The following LPP variants were observed in gnomAD, a reference collection of about 807,000 sequenced individuals.
The protein encoded by LPP is LIM domain containing preferred translocation partner in lipoma, also known as lipoma-preferred partner.
LPP carries 38 observed loss-of-function variants against 60.4 expected under a neutral mutation model. That is an observed-to-expected ratio of 0.63 (90% CI 0.49 to 0.83). The LOEUF (loss-of-function observed/expected upper bound fraction) is 0.83. Ranked by LOEUF, LPP falls within the 40% of genes least tolerant of loss-of-function variation. The pLI is 0.00. For synonymous variants in LPP, 328 were observed against 290.8 expected, an observed-to-expected ratio of 1.13 and a Z score of -1.30; for missense variants, 902 against 783.6, an observed-to-expected ratio of 1.15 and a Z score of -1.80.
At chr3:188,689,667 A>T (rs1047360989) in intron 7 of LPP, among the ~76,000 whole-genome samples, 2 of 152,180 alleles carry the variant, frequency 1.3e-5, no homozygotes, top group African/African-American at 4.8e-5. Flanking sequence ...CTCACTTCAC[A>T]GTTCCTAATA....
chr3:188,584,302 G>A (rs1192079997), intron 6 of LPP: 1 of 152,144 alleles, frequency 6.6e-6, no homozygotes, highest in East Asian at 1.9e-4. Flanking sequence ...TCATGGATGA[G>A]AGAGAATTTG....
chr3:188,802,747 G>A lies in LPP; in HGVS notation c.1410+42465G>A, dbSNP rs150183522. Among the ~76,000 whole-genome samples the A allele has an allele frequency of 8.7e-3, 1,327 of 151,910 alleles. 19 individuals are homozygous for A. The highest frequency in any genetic ancestry group is 0.031 in the African/African-American group (1,266 of 41,438). ...TGCAGTGAGCTGAGATTGCACCACCGCACTCCAACCTGGGGAACAAGAGCG... is the reference window on the plus strand; with the variant it reads ...TGCAGTGAGCTGAGATTGCACCACCACACTCCAACCTGGGGAACAAGAGCG... On this transcript the variant is annotated intron_variant, in intron 9 of 11. Transcript: ENST00000617246.
At chr3:188,855,376 C>A (rs1245078729) in intron 9 of LPP, among the ~76,000 whole-genome samples, 1 of 152,148 alleles carries the variant, frequency 6.6e-6, no homozygotes, top group African/African-American at 2.4e-5. Context: ...GTAAGATGAA[C>A]AATAAGCATG....
At chr3:188,643,510 C>T (rs532735949) in intron 7 of LPP, among the ~76,000 whole-genome samples, 2 of 152,304 alleles carry the variant, frequency 1.3e-5, no homozygotes, top group South Asian at 4.1e-4. Flanking sequence ...ATGTGTGAAG[C>T]TCTCTGATAC....
chr3:188,399,209 A>C (rs1304412336), intron 3 of LPP, among the ~76,000 whole-genome samples: 4 of 152,228 alleles, frequency 2.6e-5, no homozygotes, highest in South Asian at 4.1e-4. Flanking sequence ...AATTCTGAAG[A>C]TCAGGCATCT....
intron 2 of LPP, among the ~76,000 whole-genome samples, chr3:188,248,312 C>A (rs1433395072): frequency 6.6e-6 from 1 of 151,270 alleles, no homozygotes; most frequent in Non-Finnish European, 1.5e-5. Flanking sequence ...CTTCTAGGAA[C>A]GTTTAAAAAT....
intron 1 of LPP, among the ~76,000 whole-genome samples, chr3:188,168,174 A>G (rs1720571997): frequency 6.6e-6 from 1 of 152,274 alleles, no homozygotes; most frequent in Non-Finnish European, 1.5e-5. Context: ...CGTGCTGCAC[A>G]TACTATGAAG....
intron 9 of LPP, among the ~76,000 whole-genome samples, chr3:188,760,824 T>C (rs1298953325): frequency 6.6e-6 from 1 of 152,188 alleles, no homozygotes; most frequent in Non-Finnish European, 1.5e-5. Flanking sequence ...AGGGGAACTG[T>C]TTATTATAAA....
chr3:188,701,551 A>G (rs1018281151), intron 7 of LPP, among the ~76,000 whole-genome samples: 4 of 152,356 alleles, frequency 2.6e-5, no homozygotes, highest in African/African-American at 9.6e-5. Flanking sequence ...TTCAGGGCCC[A>G]GTCTCCATCC....
At chr3:188,864,025 C>A (rs1368445825) in intron 9 of LPP, among the ~76,000 whole-genome samples, 4 of 148,104 alleles carry the variant, frequency 2.7e-5, no homozygotes, top group African/African-American at 9.7e-5. Flanking sequence ...CAATTTCCAG[C>A]CACATTAGCT....
chr3:188,451,959 T>G (rs1378053910), intron 4 of LPP, among the ~76,000 whole-genome samples: 3 of 152,214 alleles, frequency 2.0e-5, no homozygotes, highest in Non-Finnish European at 4.4e-5. Context: ...AGGAGATGTT[T>G]GAGATGAGGC....
intron 2 of LPP, among the ~76,000 whole-genome samples, chr3:188,316,708 A>G (rs759643761): frequency 6.6e-6 from 1 of 152,218 alleles, no homozygotes; most frequent in Non-Finnish European, 1.5e-5. Flanking sequence ...TGTCTCATTT[A>G]AAAACCAGTA....
intron 2 of LPP, among the ~76,000 whole-genome samples, chr3:188,283,275 C>T (rs918418638): frequency 6.6e-6 from 1 of 152,214 alleles, no homozygotes; most frequent in African/African-American, 2.4e-5. Flanking sequence ...AAGTGGTTTA[C>T]ATGATGACCT....
At chr3:188,764,245 G>C (rs1733306743) in intron 9 of LPP, among the ~76,000 whole-genome samples, 1 of 152,062 alleles carries the variant, frequency 6.6e-6, no homozygotes, top group Admixed American at 6.5e-5. Flanking sequence ...GTGTGACCTT[G>C]GGTAAATCAT....
chr3:188,529,128 C>A (rs1169075493), intron 6 of LPP, among the ~76,000 whole-genome samples: 1 of 152,104 alleles, frequency 6.6e-6, no homozygotes, highest in African/African-American at 2.4e-5. Context: ...TCTGGTGGAA[C>A]TGAATTAGAT....
intron 5 of LPP, among the ~76,000 whole-genome samples, chr3:188,494,187 G>A (rs1296327452): frequency 6.6e-6 from 1 of 152,196 alleles, no homozygotes; most frequent in Admixed American, 6.5e-5. Flanking sequence ...CAGGTCAAGA[G>A]CAGACCAGCA....
chr3:188,620,593 G>A (rs1845630635), intron 7 of LPP, among the ~76,000 whole-genome samples: 1 of 151,696 alleles, frequency 6.6e-6, no homozygotes, highest in African/African-American at 2.4e-5. Flanking sequence ...TCTATCTTTT[G>A]GCTATTATAA....
intron 2 of LPP, among the ~76,000 whole-genome samples, chr3:188,265,446 A>G (rs1166428810): frequency 6.6e-6 from 1 of 152,148 alleles, no homozygotes; most frequent in African/African-American, 2.4e-5. Flanking sequence ...GAAGGGAGGA[A>G]GGGTGATGGT....
chr3:188,371,878 G>C (rs1363985032), intron 3 of LPP, among the ~76,000 whole-genome samples: 11 of 151,082 alleles, frequency 7.3e-5, no homozygotes, highest in Admixed American at 6.6e-4. Flanking sequence ...GGCTGGTCTT[G>C]AACTCCTGAC....
Sources: gnomAD v4.1 joint callset for allele counts (sites outside exome capture counted in the v4.1 genomes callset) on GRCh38, gnomAD v4.1.1 for gene constraint, MANE v1.5 for transcripts, NCBI Gene and HGNC (gene_info 2026-07-23, HGNC 2026-07-21) for gene names.